SLC28A1: variants seen among roughly 807,000 people sequenced by gnomAD.
The protein encoded by SLC28A1 is solute carrier family 28 member 1.
A neutral mutation model predicts 74.8 loss-of-function variants in SLC28A1; 64 were observed. The observed-to-expected ratio is 0.86, with a 90% CI of 0.70 to 1.05. The LOEUF (loss-of-function observed/expected upper bound fraction) is 1.05. SLC28A1 is among the 50% of genes least tolerant of loss of function. The pLI is 0.00. For missense variants in SLC28A1, 828 were observed against 822.8 expected (o/e 1.01, Z -0.08); for synonymous variants, 359 against 335.0 (o/e 1.07, Z -0.78).
chr15:84,961,685 T>C, the SLC28A1 span: 1 of 328,506 alleles, frequency 3.0e-6, no homozygotes, highest in Non-Finnish European at 6.0e-6. Context: ...ATTCCGAGAC[T>C]GTTACGGCAG....
intron 9 of SLC28A1, 29 bp from the exon 10 acceptor site, chr15:84,918,495 C>T (rs776497568): frequency 6.3e-7 from 1 of 1,595,052 alleles, no homozygotes; most frequent in Middle Eastern, 1.7e-4. Context: ...TGCCTCTAAC[C>T]TGCGGTCCTA....
At chr15:84,912,806 G>GCACA (rs199525878) in intron 9 of SLC28A1, among the ~76,000 whole-genome samples, 2,176 of 112,214 alleles carry the variant, frequency 0.019, 38 homozygotes, top group African/African-American at 0.052. Flanking sequence ...TTGCGCGCGC[G>GCACA]CACACACACA....
In SLC28A1 at chr15:84,944,738, A is replaced by G. The variant is rs776682357; in HGVS notation, c.1763-18A>G. On this transcript the variant is annotated intron_variant, in intron 17 of 18. Transcript: ENST00000394573. ...CTAGCCCGGGGGCCCTGCCCCACCC[A>G]CCACTTTCCCTCTACAGGGATCCTC... 3 of 1,608,072 alleles carry G rather than the reference A, an allele frequency of 1.9e-6. No individual in the cohort carries two copies. The highest frequency in any genetic ancestry group is 2.6e-6 in the Non-Finnish European group (3 of 1,174,616).
chr15:84,934,179 A>G (rs1971622591), intron 13 of SLC28A1, among the ~76,000 whole-genome samples: 1 of 152,186 alleles, frequency 6.6e-6, no homozygotes. Flanking sequence ...AGACCATAGC[A>G]TTTGCAAAAA....
At chr15:84,904,687 A>G (rs1225076493) in intron 7 of SLC28A1, among the ~76,000 whole-genome samples, 2 of 152,172 alleles carry the variant, frequency 1.3e-5, no homozygotes, top group Admixed American at 1.3e-4. Flanking sequence ...CAGAAATGTA[A>G]CTTCTTAGGC....
At chr15:84,947,804 C>G (rs2079284130), downstream of SLC28A1, among the ~76,000 whole-genome samples, 1 of 152,158 alleles carries the variant, frequency 6.6e-6, no homozygotes, top group South Asian at 2.1e-4. Flanking sequence ...ATACCTTCAC[C>G]TTGGGGGCTA....
chr15:84,917,800 A>G (rs1969324823), intron 9 of SLC28A1, among the ~76,000 whole-genome samples: 1 of 152,228 alleles, frequency 6.6e-6, no homozygotes, highest in South Asian at 2.1e-4. Context: ...CCAGTTTGTT[A>G]CTAAACATCA....
At chr15:84,885,096 C>T (rs1246443812) in intron 1 of SLC28A1, among the ~76,000 whole-genome samples, 1 of 151,996 alleles carries the variant, frequency 6.6e-6, no homozygotes, top group Non-Finnish European at 1.5e-5. Context: ...GTAGCTGGGA[C>T]TACAGGCACC....
intron 15 of SLC28A1, among the ~76,000 whole-genome samples, chr15:84,941,632 C>T (rs1019950396): frequency 3.9e-5 from 6 of 151,904 alleles, no homozygotes; most frequent in African/African-American, 1.5e-4. Context: ...GCCTGTAATT[C>T]CAACACTTTG....
chr15:84,944,988 G>T, intron 18 of SLC28A1, 121 bp downstream of exon 18: 1 of 1,053,720 alleles, frequency 9.5e-7, no homozygotes, highest in Non-Finnish European at 1.5e-6. Flanking sequence ...GCAGCTAATG[G>T]GGAGGTGAAG....
chr15:84,889,917 C>T (rs1275097910), intron 4 of SLC28A1, among the ~76,000 whole-genome samples: 4 of 150,406 alleles, frequency 2.7e-5, no homozygotes, highest in Non-Finnish European at 4.4e-5. Flanking sequence ...TGCAGTGGCA[C>T]GAACCCTTCC....
At chr15:84,931,637 G>A (rs1567176391) in intron 12 of SLC28A1, among the ~76,000 whole-genome samples, 1 of 108,810 alleles carries the variant, frequency 9.2e-6, no homozygotes, top group Non-Finnish European at 1.7e-5. Context: ...GGGCGACAGA[G>A]TGAGACTCCA....
chr15:84,928,884 A>G (rs951866840), intron 12 of SLC28A1, among the ~76,000 whole-genome samples: 7 of 151,562 alleles, frequency 4.6e-5, no homozygotes, highest in African/African-American at 1.7e-4. Context: ...CGGCCTCCCA[A>G]ACTGCTGGGA....
At chr15:84,952,455 T>A in the SLC28A1 span, among the ~76,000 whole-genome samples, 1 of 152,204 alleles carries the variant, frequency 6.6e-6, no homozygotes, top group Non-Finnish European at 1.5e-5. Context: ...AATGACTCCA[T>A]GTGCTTCAGT....
At chr15:84,974,180 C>G in the SLC28A1 span, among the ~76,000 whole-genome samples, 1 of 152,204 alleles carries the variant, frequency 6.6e-6, no homozygotes, top group Non-Finnish European at 1.5e-5. Context: ...CTTTTGGTAA[C>G]CAGTGTGCTG....
chr15:84,895,238 T>C, intron 6 of SLC28A1, 115 bp downstream of exon 6: 1 of 1,575,702 alleles, frequency 6.3e-7, no homozygotes, highest in Non-Finnish European at 8.7e-7. Flanking sequence ...CATGGAGAAC[T>C]CTCTGGCGCC....
Position 84,890,510 on chromosome 15 carries a change from A to G in SLC28A1, c.253A>G (p.Ile85Val), listed in dbSNP as rs555446359. 2.5e-6 allele frequency: 4 copies of G among 1,611,382 alleles called. No homozygotes were observed. In the African/African-American group the frequency reaches 4.0e-5, roughly 16 times the overall value. Residue 85 changes from isoleucine (I) to valine (V), a missense_variant, in exon 5 of 19, where the codon ATC becomes GTC. Around this residue, in one of 3 missense-constraint regions of SLC28A1, gnomAD observed 767 missense variants for 753.5 expected, o/e 1.02. Transcript: ENST00000394573. ...CREHMQLFRW[I>V]GTGLLCTGLS... ...GGAGCACATGCAGCTGTTTCGATGG[A>G]TCGGCACAGGCCTGCTCTGCACTGG...
At chr15:84,941,453 C>G (rs1414141942) in intron 15 of SLC28A1, among the ~76,000 whole-genome samples, 2 of 152,070 alleles carry the variant, frequency 1.3e-5, no homozygotes, top group African/African-American at 4.8e-5. Context: ...GATCTGCCCA[C>G]CTTGGCTTCC....
At chr15:84,901,049 C>G (rs1181891566) in intron 6 of SLC28A1, among the ~76,000 whole-genome samples, 1 of 151,780 alleles carries the variant, frequency 6.6e-6, no homozygotes, top group Non-Finnish European at 1.5e-5. Context: ...GAGTGAAACC[C>G]TGTCTCTACT....
Sources: allele counts gnomAD v4.1 joint callset (sites outside exome capture counted in the v4.1 genomes callset), GRCh38; gene constraint gnomAD v4.1.1; regional missense constraint gnomAD v4.1.1; transcripts MANE v1.5; gene names NCBI Gene and HGNC (gene_info 2026-07-23, HGNC 2026-07-21).